The following IARS1 variants were observed in gnomAD, a reference collection of about 807,000 sequenced individuals.
IARS1 encodes isoleucine--tRNA ligase, cytoplasmic.
Under a neutral mutation model 168.2 loss-of-function variants are expected in IARS1, and 124 were observed. The ratio of observed to expected loss-of-function variants is 0.74; its 90% CI spans 0.64 to 0.86. The LOEUF (loss-of-function observed/expected upper bound fraction) is 0.86, where lower values mean the gene tolerates loss of function less well. Ranked by LOEUF, IARS1 falls within the 40% of genes least tolerant of loss-of-function variation. The pLI is 0.00. For synonymous variants in IARS1, 532 were observed against 529.4 expected (o/e 1.00, Z -0.07); for missense variants, 1,452 against 1,515.8 (o/e 0.96, Z 0.70).
chr9:92,252,659 G>A (rs1483768244), intron 21 of IARS1, among the ~76,000 whole-genome samples: 2 of 150,042 alleles, frequency 1.3e-5, no homozygotes, highest in African/African-American at 2.5e-5. Flanking sequence ...CCCAGCTACT[G>A]GGGAGGTTGA....
rs1392776905 is a variant in IARS1 at position 92,285,748 on chromosome 9, T to C, written c.571A>G (p.Asn191Asp). 6.2e-7 allele frequency: 1 copy of C among 1,609,882 alleles called. No individual in the cohort carries two copies. The highest frequency in any genetic ancestry group is 8.5e-7 in the Non-Finnish European group (1 of 1,176,106). The change falls in exon 6 of 34, where the codon AAC (asparagine) becomes GAC (aspartate). Residue 191 changes from asparagine (N) to aspartate (D), a missense_variant. Physicochemically the swap from Asn to Asp is conservative, Grantham distance 23 (BLOSUM62 1). Coordinates refer to ENST00000443024, the MANE Select transcript of IARS1 (RefSeq NM_002161.6). ...FSTACNTPLS[N>D]FESHQNYKDV... ...TTATAATTCTGGTGTGACTCGAAGT[T>C]GGAAAGTGGAGTGTTACATGCCGTA...
chr9:92,223,585 C>T (rs1039810879), intron 31 of IARS1, 96 bp from the exon 32 acceptor site: 57 of 962,402 alleles, frequency 5.9e-5, no homozygotes, highest in African/African-American at 8.1e-5. Context: ...TATCTTTTTA[C>T]GATAATGCTT....
chr9:92,275,371 G>C (rs1038054389), intron 9 of IARS1, among the ~76,000 whole-genome samples: 1 of 152,148 alleles, frequency 6.6e-6, no homozygotes, highest in Non-Finnish European at 1.5e-5. Context: ...GATGAAGCCA[G>C]GACATGGAAC....
At chr9:92,273,330 T>C (rs1239334666) in intron 10 of IARS1, among the ~76,000 whole-genome samples, 1 of 152,174 alleles carries the variant, frequency 6.6e-6, no homozygotes, top group Non-Finnish European at 1.5e-5. Flanking sequence ...TATTAGGTGA[T>C]TATTAAGGAA....
Position 92,220,979 on chromosome 9 carries a change from C to T in IARS1, c.3706+1541G>A, listed in dbSNP as rs554492865. ...ACCAAGTCTCAAAAACAAAACAAAA[C>T]AAAACAAAAAAACCAAAACACTGTA... On this transcript the variant is annotated intron_variant, in intron 33 of 33. Coordinates refer to ENST00000443024, the MANE Select transcript of IARS1 (RefSeq NM_002161.6). Among the ~76,000 whole-genome samples the T allele has an allele frequency of 2.2e-4, 34 of 151,910 alleles. No homozygotes were observed. The South Asian group carries it at 7.1e-3, about 32-fold the overall frequency.
chr9:92,249,824 T>A (rs753267867), intron 25 of IARS1, 34 bp downstream of exon 25: 21 of 1,090,150 alleles, frequency 1.9e-5, no homozygotes, highest in Non-Finnish European at 2.8e-5. Flanking sequence ...TCTAAGTCTA[T>A]CTGTACCAAA....
chr9:92,252,764 C>CCAA lies in IARS1; in HGVS notation c.2229+597_2229+598insTTG, dbSNP rs1252083547. 1.8e-4 allele frequency among the ~76,000 whole-genome samples: 5 copies of CCAA among 27,224 alleles called. 1 individual carries two copies. Among genetic ancestry groups the CCAA allele is most frequent in the African/African-American group, 7.3e-4 (5 of 6,872 alleles). The allele number at this position is 27,224 out of a possible 152,430, so 17.9% of individuals were successfully genotyped here. On this transcript the variant is annotated intron_variant, in intron 21 of 33. Coordinates refer to ENST00000443024, the MANE Select transcript of IARS1 (RefSeq NM_002161.6). ...GGGTGACAAGAGTGAAACTCCTTCT[C>CCAA]AAAAAAAAAAAAAAAAAAAAAAAAA...
At chr9:92,240,630 G>C (rs1367231140) in intron 30 of IARS1, 11 of 713,392 alleles carry the variant, frequency 1.5e-5, no homozygotes, top group Non-Finnish European at 2.6e-5. Context: ...TTGGCCTCAA[G>C]CAATCCTCTC....
At chr9:92,238,321 G>A (rs1470670445) in intron 30 of IARS1, among the ~76,000 whole-genome samples, 1 of 152,210 alleles carries the variant, frequency 6.6e-6, no homozygotes, top group Non-Finnish European at 1.5e-5. Flanking sequence ...GGGGCTTAGT[G>A]GGAGGTGTTT....
chr9:92,287,815 C>T lies in IARS1; in HGVS notation c.372G>A (p.Val124=). Residue 124 remains valine, a synonymous_variant, in exon 4 of 34, where the codon GTG becomes GTA. Transcript: ENST00000443024. ...TEYNNQCRAI[V]MRYSAEWKST... ...CCTTCCACTCAGCAGAATATCTCATCACAATTGCTCGGCACTGATTGTTAT... is the reference window on the plus strand; with the variant it reads ...CCTTCCACTCAGCAGAATATCTCATTACAATTGCTCGGCACTGATTGTTAT... 1 of 1,613,358 alleles carries T rather than the reference C, an allele frequency of 6.2e-7. No homozygotes were observed. The highest frequency in any genetic ancestry group is 8.5e-7 in the Non-Finnish European group (1 of 1,179,742).
Position 92,287,819 on chromosome 9 carries a change from A to AT in IARS1, c.367dup (p.Ile123AsnfsTer8), listed in dbSNP as rs1835690637. The AT allele has an allele frequency of 1.7e-5, 27 of 1,613,402 alleles. No homozygotes were observed. The highest frequency in any genetic ancestry group is 2.3e-5 in the Non-Finnish European group (27 of 1,179,736). ...CCACTCAGCAGAATATCTCATCACA[A>AT]TTGCTCGGCACTGATTGTTATACTC... On this transcript the variant is annotated frameshift_variant, in exon 4 of 34. Transcript: ENST00000443024. LOFTEE classifies it high-confidence loss of function.
Position 92,280,839 on chromosome 9 carries a change from C to T in IARS1, c.652G>A (p.Val218Ile). The T allele has an allele frequency of 6.2e-7, 1 of 1,610,010 alleles. No individual in the cohort carries two copies. The highest frequency in any genetic ancestry group is 1.7e-5 in the Admixed American group (1 of 59,956). ...VTFPLEEDET[V>I]SLVAWTTTPW... is the part of the protein sequence containing the mutation. ...GTGGTTGTCCAAGCAACTAAAGATA[C>T]AGTTTCATCTTCTTCCAAAGGGAAA... Residue 218 changes from valine to isoleucine, a missense_variant, in exon 7 of 34, where the codon GTA (valine) becomes ATA (isoleucine). By Grantham distance (29) the Val-to-Ile change is conservative (BLOSUM62 3). Coordinates refer to ENST00000443024, the MANE Select transcript of IARS1 (RefSeq NM_002161.6).
chr9:92,226,323 G>A lies in IARS1; in HGVS notation c.3409+2678C>T, dbSNP rs534765789. Among the ~76,000 whole-genome samples, 10 of 152,246 alleles carry A rather than the reference G, an allele frequency of 6.6e-5. No individual in the cohort carries two copies. In the South Asian group the frequency reaches 1.0e-3, roughly 16 times the overall value. Reference sequence around the variant, plus strand: ...ATGCAATATCCCTGACAACATTTGAGTCTGCCAGATTCTTCTAGTTTTTGC... The same window carrying A: ...ATGCAATATCCCTGACAACATTTGAATCTGCCAGATTCTTCTAGTTTTTGC... On this transcript the variant is annotated intron_variant, in intron 31 of 33. Coordinates refer to ENST00000443024, the MANE Select transcript of IARS1 (RefSeq NM_002161.6).
intron 6 of IARS1, among the ~76,000 whole-genome samples, chr9:92,283,102 C>T (rs1834894203): frequency 6.6e-6 from 1 of 151,998 alleles, no homozygotes; most frequent in South Asian, 2.1e-4. Context: ...CAGGTGTGAG[C>T]CACTGTGCTT....
intron 30 of IARS1, among the ~76,000 whole-genome samples, chr9:92,229,358 TACAC>T (rs113517739): frequency 2.9e-3 from 427 of 144,902 alleles, no homozygotes; most frequent in South Asian, 0.013. Flanking sequence ...ATATATACAC[TACAC>T]ACACACACAC....
intron 30 of IARS1, among the ~76,000 whole-genome samples, chr9:92,236,011 C>T (rs560152621): frequency 1.6e-4 from 25 of 151,622 alleles, no homozygotes; most frequent in Admixed American, 2.6e-4. Flanking sequence ...GACAGAGTCT[C>T]GCTGTTGTCG....
chr9:92,227,337 G>A (rs1825865225), intron 31 of IARS1, among the ~76,000 whole-genome samples: 1 of 151,572 alleles, frequency 6.6e-6, no homozygotes, highest in Non-Finnish European at 1.5e-5. Context: ...TCCCAGACGG[G>A]GTGGTGGCCG....
rs199657317 is a variant in IARS1, at chr9:92,264,984, C to T, written c.1645G>A (p.Glu549Lys). 2 of 1,614,188 alleles carry T rather than the reference C, an allele frequency of 1.2e-6. No individual in the cohort carries two copies. The highest frequency in any genetic ancestry group is 4.5e-5 in the East Asian group (2 of 44,886). Residue 549 changes from glutamate to lysine, a missense_variant, in exon 16 of 34, where the codon GAG (glutamate) becomes AAG (lysine). Physicochemically the swap from Glu to Lys is moderately conservative, Grantham distance 56. Transcript: ENST00000443024. ...HYPFENKREF[E>K]DAFPADFIAE... ...ATGAAATCTGCAGGAAAAGCATCCT[C>T]AAACTCCCTCTTGTTTTCAAACGGG...
In IARS1 at chr9:92,250,199, A is replaced by G. The variant is rs527871815; in HGVS notation, c.2520T>C (p.Thr840=). ...ELGRVIRDRK[T]IPIKYPLKEI... ...TAAAATTTCAAACCTTTATGGGAAT[A>G]GTTTTTCGGTCTCTGATCACTCTTC... is the stretch of plus-strand genomic sequence containing the variant. Residue 840 remains threonine (T), a synonymous_variant, in exon 24 of 34, where the codon ACT becomes ACC. Transcript: ENST00000443024. 6.2e-7 allele frequency: 1 copy of G among 1,602,346 alleles called. No homozygotes were observed. The highest frequency in any genetic ancestry group is 1.3e-5 in the African/African-American group (1 of 74,830).
Sources: allele counts gnomAD v4.1 joint callset (sites outside exome capture counted in the v4.1 genomes callset), GRCh38; gene constraint gnomAD v4.1.1; transcripts MANE v1.5; gene names NCBI Gene and HGNC (gene_info 2026-07-23, HGNC 2026-07-21).